The following KCMF1 variants were observed in gnomAD, a reference collection of about 807,000 sequenced individuals.
The protein encoded by KCMF1 is E3 ubiquitin-protein ligase KCMF1.
KCMF1 carries 3 observed loss-of-function variants against 41.1 expected under a neutral mutation model. The observed-to-expected ratio is 0.07, with a 90% CI of 0.03 to 0.19. The LOEUF (loss-of-function observed/expected upper bound fraction) is 0.19, where lower values mean the gene tolerates loss of function less well. KCMF1 is among the 10% of genes least tolerant of loss of function. The pLI, the probability that KCMF1 is intolerant of heterozygous loss-of-function variation, is 1.00. For synonymous variants in KCMF1, 142 were observed against 164.5 expected (o/e 0.86, Z 1.04); for missense variants, 286 against 488.9 (o/e 0.58, Z 3.91).
intron 1 of KCMF1, among the ~76,000 whole-genome samples, chr2:85,016,756 A>G (rs1437377092): frequency 6.6e-6 from 1 of 150,832 alleles, no homozygotes; most frequent in African/African-American, 2.4e-5. Context: ...ACATTGGCAC[A>G]ATTTTGGCTC....
intron 1 of KCMF1, among the ~76,000 whole-genome samples, chr2:84,988,903 C>G (rs900891533): frequency 1.3e-5 from 2 of 152,170 alleles, no homozygotes; most frequent in African/African-American, 4.8e-5. Flanking sequence ...AGCCATGAGA[C>G]TTTGTATAAA....
chr2:84,989,534 T>A (rs185151815), intron 1 of KCMF1, among the ~76,000 whole-genome samples: 1 of 152,308 alleles, frequency 6.6e-6, no homozygotes, highest in East Asian at 1.9e-4. Flanking sequence ...AGGATGGATC[T>A]GCAGGGAGGA....
chr2:85,001,961 T>C (rs908792272), intron 1 of KCMF1, among the ~76,000 whole-genome samples: 80 of 152,192 alleles, frequency 5.3e-4, no homozygotes, highest in African/African-American at 1.8e-3. Context: ...TATAACACAA[T>C]GCTATTTGTG....
In KCMF1 at chr2:84,971,424, G is replaced by T; in HGVS notation, c.-28G>T. 1 of 1,238,828 alleles carries T rather than the reference G, an allele frequency of 8.1e-7. No individual in the cohort carries two copies. The highest frequency in any genetic ancestry group is 1.0e-6 in the Non-Finnish European group (1 of 971,606). The allele number at this position is 1,238,828 out of a possible 1,614,324, so 76.7% of individuals were successfully genotyped here. The stretch of plus-strand genomic sequence containing the variant: ...GGACACTGCAGCCGGAGCCCGGGAG[G>T]GGCCGCGCCGCCACCGTCTGAACTA... On this transcript the variant is annotated 5_prime_UTR_variant, in exon 1 of 7. Transcript: ENST00000409785.
chr2:85,026,492 A>ATTATTATTATTATTTTTT (rs146823537), intron 1 of KCMF1, among the ~76,000 whole-genome samples: 51 of 143,142 alleles, frequency 3.6e-4, no homozygotes, highest in African/African-American at 1.3e-3. Context: ...TATTATTATT[A>ATTATTATTATTATTTTTT]TTATTTTTAT....
At chr2:85,036,999 C>T (rs933097878) in intron 3 of KCMF1, among the ~76,000 whole-genome samples, 2 of 151,192 alleles carry the variant, frequency 1.3e-5, no homozygotes, top group Non-Finnish European at 3.0e-5. Flanking sequence ...CATGCCCCCC[C>T]ATCCCGCCCC....
chr2:85,047,089 A>C (rs1238951291), intron 5 of KCMF1, among the ~76,000 whole-genome samples: 1 of 152,188 alleles, frequency 6.6e-6, no homozygotes. Flanking sequence ...CATTTCAGCC[A>C]TTCACTGGGG....
At chr2:85,039,765 G>T (rs115372527) in intron 3 of KCMF1, among the ~76,000 whole-genome samples, 2 of 152,124 alleles carry the variant, frequency 1.3e-5, no homozygotes, top group Admixed American at 1.3e-4. Flanking sequence ...TCGAGCAACA[G>T]CAGAGACGAC....
In KCMF1 at chr2:85,055,903, A is replaced by ATCC. The variant is rs1180979501; in HGVS notation, c.*2495_*2496insCCT. On this transcript the variant is annotated 3_prime_UTR_variant, in exon 7 of 7. Coordinates refer to ENST00000409785, the MANE Select transcript of KCMF1 (RefSeq NM_020122.5). ...TTTCGTTGAGTTTTGAGTGTCTAGG[A>ATCC]TATAAGTTTATAAATGTTCTACAGT... 6.6e-6 allele frequency: 1 copy of ATCC among 152,168 alleles called. No individual in the cohort carries two copies. Among genetic ancestry groups the ATCC allele is most frequent in the Non-Finnish European group, 1.5e-5 (1 of 68,034 alleles). 9.4% of individuals were successfully genotyped at this position (152,168 alleles called of 1,614,324 possible).
At chr2:85,017,891 G>A (rs1163902296) in intron 1 of KCMF1, among the ~76,000 whole-genome samples, 1 of 152,008 alleles carries the variant, frequency 6.6e-6, no homozygotes, top group East Asian at 1.9e-4. Flanking sequence ...TATTATTTCA[G>A]TGGCTTTTTA....
At chr2:84,988,698 G>A (rs138039677) in intron 1 of KCMF1, among the ~76,000 whole-genome samples, 4 of 152,288 alleles carry the variant, frequency 2.6e-5, no homozygotes, top group East Asian at 3.9e-4. Flanking sequence ...GTTATTTGTC[G>A]TAGGTCCCAT....
At chr2:85,052,345 A>G (rs1252234193) in intron 6 of KCMF1, among the ~76,000 whole-genome samples, 1 of 152,200 alleles carries the variant, frequency 6.6e-6, no homozygotes, top group East Asian at 1.9e-4. Flanking sequence ...TGCTGGGATT[A>G]CAGTCATGAG....
chr2:84,976,154 G>A (rs1310660819), intron 1 of KCMF1, among the ~76,000 whole-genome samples: 2 of 151,370 alleles, frequency 1.3e-5, no homozygotes, highest in African/African-American at 4.9e-5. Flanking sequence ...ATTTCAGAGA[G>A]GTACTCTACT....
At chr2:85,013,210 G>A (rs985001341) in intron 1 of KCMF1, among the ~76,000 whole-genome samples, 1 of 152,062 alleles carries the variant, frequency 6.6e-6, no homozygotes, top group African/African-American at 2.4e-5. Flanking sequence ...AGCACTAAGT[G>A]GGTACTGCAA....
At chr2:85,034,527 A>G (rs1675361247) in intron 2 of KCMF1, among the ~76,000 whole-genome samples, 1 of 152,224 alleles carries the variant, frequency 6.6e-6, no homozygotes, top group Non-Finnish European at 1.5e-5. Context: ...TTAAGGCTAT[A>G]TATGTAGTAG....
intron 1 of KCMF1, among the ~76,000 whole-genome samples, chr2:85,006,134 T>A (rs1319927668): frequency 6.6e-6 from 1 of 152,034 alleles, no homozygotes; most frequent in Non-Finnish European, 1.5e-5. Flanking sequence ...TATTTCTCCC[T>A]ACTTGTTGTC....
intron 1 of KCMF1, 37 bp downstream of exon 1, chr2:84,971,504 G>A: frequency 8.4e-7 from 1 of 1,184,004 alleles, no homozygotes; most frequent in Non-Finnish European, 1.1e-6. Flanking sequence ...CACCTCCCGG[G>A]CCTCGGCCTA....
intron 1 of KCMF1, among the ~76,000 whole-genome samples, chr2:84,991,004 G>A (rs146572187): frequency 6.6e-6 from 1 of 152,282 alleles, no homozygotes; most frequent in African/African-American, 2.4e-5. Flanking sequence ...CTGCAGGGTG[G>A]AGTGAGGCGA....
Position 85,022,384 on chromosome 2 carries a change from G to A in KCMF1, c.17-5505G>A, listed in dbSNP as rs1007861335. On this transcript the variant is annotated intron_variant, in intron 1 of 6. Coordinates refer to ENST00000409785, the MANE Select transcript of KCMF1 (RefSeq NM_020122.5). ...AGCTACTCAGGAGGCTGAGGTAGAA[G>A]GATTGCTTAAATCCAGGAGGTCGAG... is the stretch of plus-strand genomic sequence containing the variant. Among the ~76,000 whole-genome samples the A allele has an allele frequency of 1.5e-4, 23 of 152,072 alleles. 1 individual carries two copies. The highest frequency in any genetic ancestry group is 5.3e-4 in the African/African-American group (22 of 41,398).
Sources: gnomAD v4.1 joint callset for allele counts (sites outside exome capture counted in the v4.1 genomes callset) on GRCh38, gnomAD v4.1.1 for gene constraint, MANE v1.5 for transcripts, NCBI Gene and HGNC (gene_info 2026-07-23, HGNC 2026-07-21) for gene names.